SLC49A4: variants seen among roughly 807,000 people sequenced by gnomAD.
SLC49A4 encodes the protein solute carrier family 49 member 4.
A neutral mutation model predicts 50.6 loss-of-function variants in SLC49A4; 36 were observed. That is an observed-to-expected ratio of 0.71 (90% CI 0.55 to 0.94). The LOEUF (loss-of-function observed/expected upper bound fraction) is 0.94, where lower values mean the gene tolerates loss of function less well. SLC49A4 is among the 40% of genes least tolerant of loss of function. The probability of loss-of-function intolerance (pLI) is 0.00; values close to 1 mark genes in which losing one functional copy is unlikely to be tolerated. For synonymous variants in SLC49A4, 248 were observed against 241.2 expected, an observed-to-expected ratio of 1.03 and a Z score of -0.26; for missense variants, 503 against 605.7, an observed-to-expected ratio of 0.83 and a Z score of 1.78.
At chr3:122,853,750 G>A (rs1399439522) in intron 5 of SLC49A4, among the ~76,000 whole-genome samples, 1 of 152,046 alleles carries the variant, frequency 6.6e-6, no homozygotes, top group African/African-American at 2.4e-5. Context: ...ACAGAGTAAG[G>A]CCCCATGTCA....
intron 2 of SLC49A4, among the ~76,000 whole-genome samples, chr3:122,816,866 T>C (rs1363827616): frequency 6.6e-6 from 1 of 152,184 alleles, no homozygotes; most frequent in Non-Finnish European, 1.5e-5. Flanking sequence ...GTCCCCCTGC[T>C]CTAATCTCAT....
In SLC49A4 at chr3:122,795,422, A is replaced by G. The variant is rs1246257809; in HGVS notation, c.230A>G (p.Asn77Ser). 2 of 1,608,060 alleles carry G rather than the reference A, an allele frequency of 1.2e-6. No homozygotes were observed. The highest frequency in any genetic ancestry group is 1.7e-5 in the Admixed American group (1 of 59,812). Residue 77 changes from asparagine to serine, a missense_variant, in exon 1 of 9, where the codon AAC becomes AGC. Transcript: ENST00000261038. ...LVWNTWGPIQ[N>S]SARQAYGFSS... ...TGGAACACCTGGGGTCCCATCCAGAACTCGGCGCGCCAGGCCTACGGCTTC... is the reference window on the plus strand; with the variant it reads ...TGGAACACCTGGGGTCCCATCCAGAGCTCGGCGCGCCAGGCCTACGGCTTC...
intron 6 of SLC49A4, among the ~76,000 whole-genome samples, chr3:122,858,364 G>A (rs1937015149): frequency 6.6e-6 from 1 of 152,172 alleles, no homozygotes; most frequent in African/African-American, 2.4e-5. Flanking sequence ...TGACAAATAA[G>A]TTTATGCAGC....
intron 4 of SLC49A4, among the ~76,000 whole-genome samples, chr3:122,839,855 A>G (rs1241885807): frequency 2.0e-5 from 3 of 152,204 alleles, no homozygotes; most frequent in Admixed American, 1.3e-4. Flanking sequence ...CTAAAAGGAG[A>G]TCTACCATTC....
chr3:122,877,652 T>C (rs1157309887), intron 8 of SLC49A4, among the ~76,000 whole-genome samples: 1 of 152,234 alleles, frequency 6.6e-6, no homozygotes, highest in South Asian at 2.1e-4. Flanking sequence ...TATCTGTTGC[T>C]TAAAACTTGA....
intron 4 of SLC49A4, among the ~76,000 whole-genome samples, chr3:122,844,362 C>T (rs796999762): frequency 3.3e-5 from 5 of 152,262 alleles, no homozygotes; most frequent in African/African-American, 1.2e-4. Flanking sequence ...CATGAGCCAC[C>T]ATACCTGGCC....
chr3:122,822,229 T>C (rs1560204749), intron 2 of SLC49A4, among the ~76,000 whole-genome samples: 1 of 152,222 alleles, frequency 6.6e-6, no homozygotes, highest in Non-Finnish European at 1.5e-5. Flanking sequence ...TTCTTTGTCG[T>C]TTTTAATAGT....
At chr3:122,841,702 C>G (rs1936772333) in intron 4 of SLC49A4, among the ~76,000 whole-genome samples, 1 of 152,158 alleles carries the variant, frequency 6.6e-6, no homozygotes, top group Non-Finnish European at 1.5e-5. Context: ...TTACAGCCAA[C>G]TAATTCAGTG....
chr3:122,827,819 C>T (rs1036887240), intron 3 of SLC49A4, among the ~76,000 whole-genome samples: 1 of 152,204 alleles, frequency 6.6e-6, no homozygotes, highest in African/African-American at 2.4e-5. Context: ...GTTGGGAGAC[C>T]TAACTTGCCT....
intron 7 of SLC49A4, among the ~76,000 whole-genome samples, chr3:122,871,845 C>CG (rs1250840969): frequency 6.6e-6 from 1 of 151,936 alleles, no homozygotes; most frequent in Non-Finnish European, 1.5e-5. Context: ...TTGTACATTT[C>CG]TGGATGAAGT....
chr3:122,860,330 TC>T, intron 7 of SLC49A4, 128 bp downstream of exon 7: 1 of 899,994 alleles, frequency 1.1e-6, no homozygotes, highest in Non-Finnish European at 1.5e-6. Context: ...GTTTCTCTTG[TC>T]CAGTCATCAA....
chr3:122,798,761 C>CT (rs1936088688), intron 1 of SLC49A4, among the ~76,000 whole-genome samples: 1 of 145,744 alleles, frequency 6.9e-6, no homozygotes, highest in African/African-American at 2.5e-5. Flanking sequence ...TTCTCAGCCT[C>CT]TGAGTAGCTG....
At chr3:122,831,415 A>G (rs1333658085) in intron 3 of SLC49A4, among the ~76,000 whole-genome samples, 2 of 152,158 alleles carry the variant, frequency 1.3e-5, no homozygotes, top group East Asian at 1.9e-4. Context: ...TATCTGTGCA[A>G]TGGAATATTA....
intron 2 of SLC49A4, among the ~76,000 whole-genome samples, chr3:122,822,898 A>C (rs1576296393): frequency 6.6e-6 from 1 of 152,238 alleles, no homozygotes; most frequent in East Asian, 1.9e-4. Context: ...GGTGCCCTCC[A>C]GTATCCACCC....
intron 1 of SLC49A4, among the ~76,000 whole-genome samples, chr3:122,805,362 G>T (rs953272541): frequency 1.3e-5 from 2 of 152,170 alleles, no homozygotes; most frequent in African/African-American, 4.8e-5. Flanking sequence ...TATCCTTAAT[G>T]TAGCATGTCT....
intron 5 of SLC49A4, among the ~76,000 whole-genome samples, chr3:122,846,382 A>T (rs1400634032): frequency 2.0e-5 from 3 of 152,152 alleles, no homozygotes; most frequent in Non-Finnish European, 4.4e-5. Flanking sequence ...AGAAGAGAAC[A>T]CACTGCTGTG....
At chr3:122,827,638 C>G (rs926207751) in intron 3 of SLC49A4, among the ~76,000 whole-genome samples, 3 of 152,202 alleles carry the variant, frequency 2.0e-5, no homozygotes, top group African/African-American at 7.2e-5. Flanking sequence ...AGTATAGTCT[C>G]CTACGGATTT....
At chr3:122,837,295 G>A (rs1193668880) in intron 4 of SLC49A4, among the ~76,000 whole-genome samples, 1 of 152,020 alleles carries the variant, frequency 6.6e-6, no homozygotes, top group Non-Finnish European at 1.5e-5. Flanking sequence ...GGCATCATGT[G>A]ACCTGACTTC....
intron 2 of SLC49A4, among the ~76,000 whole-genome samples, chr3:122,821,997 C>G (rs1441335538): frequency 1.3e-5 from 2 of 152,068 alleles, no homozygotes; most frequent in Non-Finnish European, 2.9e-5. Context: ...GACTGCATGT[C>G]CCTGTACTGG....
Sources: allele counts gnomAD v4.1 joint callset (sites outside exome capture counted in the v4.1 genomes callset), GRCh38; gene constraint gnomAD v4.1.1; transcripts MANE v1.5; gene names NCBI Gene and HGNC (gene_info 2026-07-23, HGNC 2026-07-21).